Variants in RANBP2 observed in about 807,000 individuals in gnomAD.
RANBP2 encodes the protein RAN binding protein 2, also known as E3 SUMO-protein ligase RanBP2.
A neutral mutation model predicts 303.6 loss-of-function variants in RANBP2; 57 were observed. The observed-to-expected ratio is 0.19, with a 90% confidence interval of 0.15 to 0.23. RANBP2 has a LOEUF of 0.23. Among genes scored for constraint, RANBP2 ranks in the 10% least tolerant of loss-of-function variants. The pLI, the probability that RANBP2 is intolerant of heterozygous loss-of-function variation, is 1.00. For missense variants in RANBP2, 3,138 were observed against 3,780.8 expected (o/e 0.83, Z 4.46); for synonymous variants, 1,167 against 1,301.5 (o/e 0.90, Z 2.23).
the RANBP2 span, among the ~76,000 whole-genome samples, chr2:109,555,416 A>AC: frequency 1.3e-5 from 2 of 151,540 alleles, no homozygotes; most frequent in Admixed American, 6.6e-5. Context: ...CTCATCCTCT[A>AC]CCCCTCAAGG....
At chr2:109,455,965 C>T in the RANBP2 span, among the ~76,000 whole-genome samples, 17 of 152,354 alleles carry the variant, frequency 1.1e-4, no homozygotes, top group Non-Finnish European at 2.4e-4. Context: ...GATTCACCCA[C>T]GTGGGAACCA....
chr2:109,632,773 C>T, the RANBP2 span, among the ~76,000 whole-genome samples: 1 of 151,696 alleles, frequency 6.6e-6, no homozygotes, highest in Non-Finnish European at 1.5e-5. Flanking sequence ...GAGCCGAGAT[C>T]ACGCCACTGC....
the RANBP2 span, among the ~76,000 whole-genome samples, chr2:109,559,428 C>T: frequency 6.6e-6 from 1 of 152,116 alleles, no homozygotes; most frequent in Non-Finnish European, 1.5e-5. Flanking sequence ...GAGTTTCTTC[C>T]AGCCACTGCT....
chr2:109,019,735 C>T, the RANBP2 span, among the ~76,000 whole-genome samples: 4 of 152,292 alleles, frequency 2.6e-5, no homozygotes, highest in East Asian at 7.7e-4. Flanking sequence ...ATCATTCTGT[C>T]CATCTGTCTA....
At chr2:109,662,582 G>T in the RANBP2 span, among the ~76,000 whole-genome samples, 1 of 151,982 alleles carries the variant, frequency 6.6e-6, no homozygotes, top group Non-Finnish European at 1.5e-5. Context: ...ACCATGCCTG[G>T]CTAATTCTTG....
At chr2:109,379,875 T>C in the RANBP2 span, among the ~76,000 whole-genome samples, 10 of 151,708 alleles carry the variant, frequency 6.6e-5, no homozygotes, top group South Asian at 4.2e-4. Flanking sequence ...TCTCCTGGAG[T>C]GTGATGTTGT....
At chr2:109,200,358 C>T in the RANBP2 span, among the ~76,000 whole-genome samples, 3 of 152,078 alleles carry the variant, frequency 2.0e-5, no homozygotes, top group Admixed American at 6.5e-5. Flanking sequence ...TAGGCTCCTT[C>T]GTGGGGTTGC....
At chr2:109,553,519 G>T in the RANBP2 span, among the ~76,000 whole-genome samples, 1 of 151,038 alleles carries the variant, frequency 6.6e-6, no homozygotes, top group African/African-American at 2.4e-5. Flanking sequence ...ACTCCAGCCT[G>T]GGTGACAGAG....
At chr2:109,066,001 G>C in the RANBP2 span, among the ~76,000 whole-genome samples, 1 of 152,070 alleles carries the variant, frequency 6.6e-6, no homozygotes, top group East Asian at 1.9e-4. Context: ...GCAATGGCAT[G>C]ATCTTGGCTC....
At chr2:108,995,398 C>T in the RANBP2 span, among the ~76,000 whole-genome samples, 4 of 152,216 alleles carry the variant, frequency 2.6e-5, no homozygotes, top group South Asian at 8.3e-4. Flanking sequence ...TTTACAAGGG[C>T]TAATGTGTTC....
the RANBP2 span, among the ~76,000 whole-genome samples, chr2:109,067,036 A>G: frequency 6.6e-6 from 1 of 152,160 alleles, no homozygotes; most frequent in Non-Finnish European, 1.5e-5. Flanking sequence ...TTCTCGGCAG[A>G]ACACAACATA....
chr2:109,015,118 C>CAA, the RANBP2 span, among the ~76,000 whole-genome samples: 163 of 68,802 alleles, frequency 2.4e-3, 12 homozygotes, highest in Non-Finnish European at 2.7e-3. Flanking sequence ...GACTCCATCT[C>CAA]AAAAAAAAAA....
chr2:109,170,327 C>G, the RANBP2 span, among the ~76,000 whole-genome samples: 1 of 147,324 alleles, frequency 6.8e-6, no homozygotes, highest in Non-Finnish European at 1.5e-5. Flanking sequence ...CTCTCTCTCT[C>G]TCCTCTCTCT....
At chr2:108,732,148 G>C (rs1205312180) in intron 4 of RANBP2, among the ~76,000 whole-genome samples, 1 of 152,032 alleles carries the variant, frequency 6.6e-6, no homozygotes, top group Non-Finnish European at 1.5e-5. Context: ...ATGTATATTT[G>C]CCTTTAGCCT....
chr2:108,972,051 G>A, the RANBP2 span, among the ~76,000 whole-genome samples: 10 of 152,178 alleles, frequency 6.6e-5, no homozygotes, highest in Admixed American at 2.6e-4. Flanking sequence ...GGCCTGGCCC[G>A]CAGATGTTGC....
chr2:108,813,141 C>T, the RANBP2 span, among the ~76,000 whole-genome samples: 686 of 145,524 alleles, frequency 4.7e-3, 4 homozygotes, highest in African/African-American at 0.016. Flanking sequence ...CCCAGCTACT[C>T]GAGAGGCTGA....
the RANBP2 span, among the ~76,000 whole-genome samples, chr2:108,838,900 T>C: frequency 2.0e-5 from 3 of 152,310 alleles, no homozygotes; most frequent in East Asian, 5.8e-4. Context: ...ACATATATAC[T>C]ATAAACTTAT....
At chr2:109,763,100 T>C in the RANBP2 span, among the ~76,000 whole-genome samples, 2 of 150,232 alleles carry the variant, frequency 1.3e-5, no homozygotes, top group Non-Finnish European at 2.9e-5. Context: ...TTGAGTCTCT[T>C]AATCCTGGAA....
rs374069746 is a variant in RANBP2, at chr2:108,734,450, G to C, written c.406-1082G>C. ...ATGAAATCAGTTAGCTTGGGGTTAT[G>C]ATTTCCCAAATCTAAGCACACAGAA... On this transcript the variant is annotated intron_variant, in intron 4 of 28. Transcript: ENST00000283195. 1.3e-4 allele frequency among the ~76,000 whole-genome samples: 19 copies of C among 148,666 alleles called. No homozygotes were observed. In the East Asian group the frequency reaches 3.1e-3, roughly 24 times the overall value.
Sources: gnomAD v4.1 joint callset for allele counts (sites outside exome capture counted in the v4.1 genomes callset) on GRCh38, gnomAD v4.1.1 for gene constraint, MANE v1.5 for transcripts, NCBI Gene and HGNC (gene_info 2026-07-23, HGNC 2026-07-21) for gene names.